The following FAM184A variants were observed in gnomAD, a reference collection of about 807,000 sequenced individuals.
The protein encoded by FAM184A is protein FAM184A.
In FAM184A, 99 loss-of-function variants were observed where a neutral mutation model predicts 143.8. The observed-to-expected ratio is 0.69, with a 90% CI of 0.58 to 0.81. FAM184A has a LOEUF of 0.81. FAM184A is among the 40% of genes least tolerant of loss of function. FAM184A has a pLI of 0.00. For missense variants in FAM184A, 1,217 were observed against 1,310.5 expected, an observed-to-expected ratio of 0.93 and a Z score of 1.10; for synonymous variants, 427 against 446.4, an observed-to-expected ratio of 0.96 and a Z score of 0.55.
At chr6:118,962,270 T>A (rs1310806924) in intron 16 of FAM184A, 3 of 302,508 alleles carry the variant, frequency 9.9e-6, no homozygotes, top group East Asian at 1.4e-4. Flanking sequence ...AATACCCTTT[T>A]GGGAAGAAAA....
At chr6:119,113,733 G>A (rs1757851587) in intron 1 of FAM184A, among the ~76,000 whole-genome samples, 2 of 152,092 alleles carry the variant, frequency 1.3e-5, no homozygotes, top group Admixed American at 6.5e-5. Flanking sequence ...TTGAGTTCAG[G>A]AGTTCGAGCC....
At chr6:119,001,610 A>C (rs952344170) in intron 9 of FAM184A, among the ~76,000 whole-genome samples, 1 of 152,226 alleles carries the variant, frequency 6.6e-6, no homozygotes, top group Non-Finnish European at 1.5e-5. Context: ...CATCTGACAA[A>C]CTAATACAAG....
At chr6:118,969,993 A>ATAAAATATATATATATACATAT (rs1189865476) in intron 14 of FAM184A, among the ~76,000 whole-genome samples, 1 of 24,386 alleles carries the variant, frequency 4.1e-5, no homozygotes, top group Non-Finnish European at 7.8e-5. Context: ...ATATATATAT[A>ATAAAATATATATATATACATAT]ATATATATAT....
At chr6:119,008,223 G>T (rs1436471635) in intron 6 of FAM184A, among the ~76,000 whole-genome samples, 2 of 152,156 alleles carry the variant, frequency 1.3e-5, no homozygotes, top group Non-Finnish European at 2.9e-5. Flanking sequence ...TTCTCTATCG[G>T]TCCATGTGGT....
At chr6:119,033,821 A>T (rs529550190) in intron 1 of FAM184A, among the ~76,000 whole-genome samples, 1 of 149,612 alleles carries the variant, frequency 6.7e-6, no homozygotes, top group Non-Finnish European at 1.5e-5. Context: ...GCAAAACCCC[A>T]TCTCTACTAA....
intron 11 of FAM184A, among the ~76,000 whole-genome samples, chr6:118,978,729 G>C (rs1005738122): frequency 6.6e-6 from 1 of 150,978 alleles, no homozygotes; most frequent in Non-Finnish European, 1.5e-5. Context: ...TGCCACTGAA[G>C]TATGACAACA....
chr6:119,146,074 T>C (rs1467500473), intron 1 of FAM184A, among the ~76,000 whole-genome samples: 1 of 151,970 alleles, frequency 6.6e-6, no homozygotes, highest in Admixed American at 6.6e-5. Flanking sequence ...GGGTGAAGAG[T>C]TTGATTTGTT....
chr6:119,047,230 C>T (rs779187780), intron 1 of FAM184A, among the ~76,000 whole-genome samples: 13 of 152,070 alleles, frequency 8.5e-5, no homozygotes, highest in Middle Eastern at 3.2e-3. Flanking sequence ...CAGGCAGTAA[C>T]AAATGCTGGC....
chr6:119,063,683 G>A (rs777389936), intron 1 of FAM184A, among the ~76,000 whole-genome samples: 13 of 152,094 alleles, frequency 8.5e-5, no homozygotes, highest in Non-Finnish European at 1.9e-4. Flanking sequence ...AACAGCATAA[G>A]AAAATAGCAG....
In FAM184A at chr6:119,006,548, G is replaced by C. The variant is rs1317721743; in HGVS notation, c.1714C>G (p.Leu572Val). 6.2e-7 allele frequency: 1 copy of C among 1,613,818 alleles called. No homozygotes were observed. Among genetic ancestry groups the C allele is most frequent in the African/African-American group, 1.3e-5 (1 of 74,888 alleles). The change falls in exon 7 of 18, where the codon CTT becomes GTT. Residue 572 changes from leucine (L) to valine (V), a missense_variant. Physicochemically the swap from Leu to Val is conservative, Grantham distance 32. Transcript: ENST00000338891. ...TGGGAGTCCTGAAGACTAGCAATAA[G>C]TCCTTCTGCAGAGCCAAGACCTTGT... ...SEQGLGSAEG[L>V]IASLQDSQER...
intron 6 of FAM184A, among the ~76,000 whole-genome samples, chr6:119,008,912 C>A (rs1176026133): frequency 6.6e-6 from 1 of 152,194 alleles, no homozygotes; most frequent in African/African-American, 2.4e-5. Context: ...TACAAGACCT[C>A]CACAACATAG....
chr6:119,108,431 T>C (rs2114844580), intron 1 of FAM184A, among the ~76,000 whole-genome samples: 1 of 152,294 alleles, frequency 6.6e-6, no homozygotes, highest in South Asian at 2.1e-4. Context: ...TTTAGTTTGC[T>C]TCCTCCAAGT....
chr6:119,082,445 A>T (rs758782894), upstream of FAM184A, among the ~76,000 whole-genome samples: 3 of 152,266 alleles, frequency 2.0e-5, no homozygotes, highest in Non-Finnish European at 4.4e-5. Flanking sequence ...AGACAAGGGA[A>T]GTCCCTTCCA....
intron 4 of FAM184A, among the ~76,000 whole-genome samples, chr6:119,018,973 C>T (rs975503399): frequency 2.0e-5 from 3 of 151,642 alleles, no homozygotes; most frequent in African/African-American, 7.3e-5. Context: ...GGCATGGTAA[C>T]TTGATGTTTG....
At chr6:119,102,402 G>C (rs1031886193) in intron 1 of FAM184A, among the ~76,000 whole-genome samples, 9 of 152,084 alleles carry the variant, frequency 5.9e-5, no homozygotes, top group Non-Finnish European at 1.0e-4. Context: ...CTTAGAATCA[G>C]GTGTATTAGG....
At chr6:118,979,178 G>A (rs975691531) in intron 11 of FAM184A, among the ~76,000 whole-genome samples, 187 bp downstream of exon 11, 2 of 152,078 alleles carry the variant, frequency 1.3e-5, no homozygotes, top group African/African-American at 2.4e-5. Flanking sequence ...AGAGCTGAGG[G>A]GAATTCACTT....
intron 1 of FAM184A, among the ~76,000 whole-genome samples, chr6:119,111,212 G>A (rs536058349): frequency 2.7e-4 from 41 of 152,238 alleles, no homozygotes; most frequent in Admixed American, 1.1e-3. Flanking sequence ...GTTTTGACAC[G>A]TTATCACATA....
At chr6:119,029,888 T>C (rs1015398178) in intron 1 of FAM184A, among the ~76,000 whole-genome samples, 1 of 152,114 alleles carries the variant, frequency 6.6e-6, no homozygotes, top group African/African-American at 2.4e-5. Flanking sequence ...GCTTTCCCAC[T>C]ATGACAGCAA....
chr6:119,128,820 C>G (rs1266388594), intron 1 of FAM184A, among the ~76,000 whole-genome samples: 2 of 152,056 alleles, frequency 1.3e-5, no homozygotes, highest in African/African-American at 2.4e-5. Context: ...TCCTGCAAAG[C>G]TGTCTCCTGT....
Sources: allele counts gnomAD v4.1 joint callset (sites outside exome capture counted in the v4.1 genomes callset), GRCh38; gene constraint gnomAD v4.1.1; transcripts MANE v1.5; gene names NCBI Gene and HGNC (gene_info 2026-07-23, HGNC 2026-07-21).